SEMA5A: variants seen among roughly 807,000 people sequenced by gnomAD.
SEMA5A encodes semaphorin 5A, also known as semaphorin-5A.
SEMA5A carries 55 observed loss-of-function variants against 135.5 expected under a neutral mutation model. The observed-to-expected ratio is 0.41, with a 90% confidence interval of 0.33 to 0.51. SEMA5A has a LOEUF of 0.51. Among genes scored for constraint, SEMA5A ranks in the 20% least tolerant of loss-of-function variants. The pLI, the probability that SEMA5A is intolerant of heterozygous loss-of-function variation, is 0.37. For missense variants in SEMA5A, 1,290 were observed against 1,419.9 expected, an observed-to-expected ratio of 0.91 and a Z score of 1.47; for synonymous variants, 580 against 546.5, an observed-to-expected ratio of 1.06 and a Z score of -0.85.
At chr5:9,506,495 A>G (rs141851048) in intron 1 of SEMA5A, among the ~76,000 whole-genome samples, 1 of 152,326 alleles carries the variant, frequency 6.6e-6, no homozygotes, top group East Asian at 1.9e-4. Context: ...AAGAGATCCC[A>G]TTTAAAGCGG....
intron 1 of SEMA5A, among the ~76,000 whole-genome samples, chr5:9,442,783 C>G (rs1482480937): frequency 6.6e-6 from 1 of 152,168 alleles, no homozygotes; most frequent in African/African-American, 2.4e-5. Flanking sequence ...CAAAACATCA[C>G]AGTCCATTTT....
intron 1 of SEMA5A, among the ~76,000 whole-genome samples, chr5:9,513,655 G>A (rs1481169832): frequency 6.6e-6 from 1 of 152,120 alleles, no homozygotes; most frequent in African/African-American, 2.4e-5. Flanking sequence ...AAAATGCCAA[G>A]CAACTAAAGA....
intron 4 of SEMA5A, among the ~76,000 whole-genome samples, chr5:9,326,287 G>A (rs975861024): frequency 1.6e-4 from 24 of 152,284 alleles, no homozygotes; most frequent in Admixed American, 1.3e-3. Flanking sequence ...GTCTCGCTCT[G>A]TTGCCCAGGC....
intron 4 of SEMA5A, among the ~76,000 whole-genome samples, chr5:9,322,048 G>C (rs1285637427): frequency 6.6e-6 from 1 of 152,138 alleles, no homozygotes; most frequent in Non-Finnish European, 1.5e-5. Context: ...GAGGGGAGTG[G>C]AGGAGACACA....
chr5:9,163,760 G>A (rs1478405063), intron 11 of SEMA5A, among the ~76,000 whole-genome samples: 1 of 151,794 alleles, frequency 6.6e-6, no homozygotes, highest in Non-Finnish European at 1.5e-5. Context: ...CTTATAAAAA[G>A]AGAAGGTTAG....
In SEMA5A at chr5:9,154,673, C is replaced by T. The variant is rs750611047; in HGVS notation, c.1296G>A (p.Val432=). The T allele has an allele frequency of 4.3e-6, 7 of 1,614,022 alleles. No homozygotes were observed. The African/African-American group carries it at 9.3e-5, about 22-fold the overall frequency. ...LATDYGTIKK[V]RVPLNQTSSS... ...TTGAGGTCTGATTCAGGGGTACCCG[C>T]ACTTTCTTAATGGTTCCGTAATCTA... The change falls in exon 12 of 23, where the codon GTG becomes GTA. Residue 432 remains valine (V), a synonymous_variant. Transcript: ENST00000382496.
At chr5:9,210,097 C>A (rs1746260300) in intron 8 of SEMA5A, among the ~76,000 whole-genome samples, 2 of 152,172 alleles carry the variant, frequency 1.3e-5, no homozygotes, top group African/African-American at 4.8e-5. Flanking sequence ...ATGAGGTTTC[C>A]TTGACTCATG....
intron 5 of SEMA5A, among the ~76,000 whole-genome samples, chr5:9,254,899 A>G (rs1331592294): frequency 3.9e-5 from 6 of 152,234 alleles, no homozygotes; most frequent in African/African-American, 1.4e-4. Flanking sequence ...GTGATAAGGC[A>G]ACGAGGCTGA....
chr5:9,287,302 A>G (rs1192914926), intron 5 of SEMA5A, among the ~76,000 whole-genome samples: 1 of 152,226 alleles, frequency 6.6e-6, no homozygotes, highest in Non-Finnish European at 1.5e-5. Flanking sequence ...TGGTGTCAGC[A>G]AAAGTATCAA....
chr5:9,455,884 T>C (rs1758814504), intron 1 of SEMA5A, among the ~76,000 whole-genome samples: 1 of 152,206 alleles, frequency 6.6e-6, no homozygotes, highest in Non-Finnish European at 1.5e-5. Flanking sequence ...AAATGGTTGT[T>C]ATTTGACTAA....
At chr5:9,332,936 T>C (rs1228011957) in intron 4 of SEMA5A, among the ~76,000 whole-genome samples, 83 of 152,370 alleles carry the variant, frequency 5.4e-4, no homozygotes, top group Non-Finnish European at 8.8e-5. Flanking sequence ...GTTTAGGCCA[T>C]GTGGACTCAC....
chr5:9,461,641 G>GCA (rs978911077), intron 1 of SEMA5A, among the ~76,000 whole-genome samples: 2 of 152,178 alleles, frequency 1.3e-5, no homozygotes, highest in Non-Finnish European at 2.9e-5. Context: ...TATCACTCCA[G>GCA]CACACCTTGC....
At position 9,053,982 on chromosome 5, in the gene SEMA5A, C is replaced by A. The variant is rs1033306645; in HGVS notation, c.2689+105G>T. The A allele has an allele frequency of 6.7e-6, 9 of 1,347,934 alleles. No individual in the cohort carries two copies. The African/African-American group carries it at 1.0e-4, about 15-fold the overall frequency. 83.5% of individuals were successfully genotyped at this position (1,347,934 alleles called of 1,614,324 possible). A position where few individuals can be genotyped will look rare whatever the true frequency, so the allele number is the denominator to read the frequency against. ...GCATGTTGCTAACTTGCCCACCCCC[C>A]TTTCAGTACTTACCATGATGCAGTA... On this transcript the variant is annotated intron_variant, in intron 19 of 22. Transcript: ENST00000382496.
At chr5:9,187,419 C>G (rs191650157) in intron 11 of SEMA5A, among the ~76,000 whole-genome samples, 67 of 152,268 alleles carry the variant, frequency 4.4e-4, no homozygotes, top group African/African-American at 1.5e-3. Flanking sequence ...TGGGAATTCA[C>G]TTTTCAGTAG....
chr5:9,498,382 T>C (rs1168822595), intron 1 of SEMA5A: 1 of 152,226 alleles, frequency 6.6e-6, no homozygotes, highest in East Asian at 1.9e-4. Flanking sequence ...ATCCATCGAA[T>C]TCTTTGGAGA....
chr5:9,131,647 AAAAAAAAAAAAC>A (rs1252530343), intron 13 of SEMA5A, among the ~76,000 whole-genome samples: 11 of 41,474 alleles, frequency 2.7e-4, no homozygotes, highest in African/African-American at 6.3e-4. Context: ...AAAAAAAAAA[AAAAAAAAAAAAC>A]CTGTCATGTG....
intron 10 of SEMA5A, among the ~76,000 whole-genome samples, chr5:9,196,860 G>C (rs765317075): frequency 1.3e-5 from 2 of 152,184 alleles, no homozygotes; most frequent in African/African-American, 4.8e-5. Context: ...TGAGGACACA[G>C]AGCCCAGCAT....
chr5:9,343,540 A>G (rs1456463381), intron 3 of SEMA5A, among the ~76,000 whole-genome samples: 1 of 152,158 alleles, frequency 6.6e-6, no homozygotes, highest in Non-Finnish European at 1.5e-5. Context: ...GAAGTTGTGA[A>G]AAGATCCATC....
intron 5 of SEMA5A, among the ~76,000 whole-genome samples, chr5:9,273,334 C>T (rs1018516817): frequency 2.0e-5 from 3 of 152,006 alleles, no homozygotes; most frequent in African/African-American, 7.2e-5. Flanking sequence ...AAATATGGGA[C>T]TATGTGAAAA....
Sources: gnomAD v4.1 joint callset for allele counts (sites outside exome capture counted in the v4.1 genomes callset) on GRCh38, gnomAD v4.1.1 for gene constraint, MANE v1.5 for transcripts, NCBI Gene and HGNC (gene_info 2026-07-23, HGNC 2026-07-21) for gene names.